Variants in KLRG2 observed in about 807,000 individuals in gnomAD.
KLRG2 encodes the protein killer cell lectin like receptor G2.
KLRG2 carries 39 observed loss-of-function variants against 35.4 expected under a neutral mutation model. The observed-to-expected ratio is 1.10, with a 90% CI of 0.85 to 1.44. The LOEUF (loss-of-function observed/expected upper bound fraction) is 1.44, where lower values mean the gene tolerates loss of function less well. KLRG2 is among the 40% of genes most tolerant of loss of function. The probability of loss-of-function intolerance (pLI) is 0.00; values close to 1 mark genes in which losing one functional copy is unlikely to be tolerated. For missense variants in KLRG2, 632 were observed against 570.9 expected (o/e 1.11, Z -1.09); for synonymous variants, 283 against 265.8 (o/e 1.06, Z -0.63).
intron 3 of KLRG2, among the ~76,000 whole-genome samples, chr7:139,461,350 G>A (rs1239964828): frequency 2.0e-5 from 3 of 152,132 alleles, no homozygotes; most frequent in Non-Finnish European, 2.9e-5. Context: ...TATCTTCTCT[G>A]ACACTCTGAT....
At chr7:139,471,056 C>G (rs1216550676) in intron 3 of KLRG2, among the ~76,000 whole-genome samples, 1 of 151,682 alleles carries the variant, frequency 6.6e-6, no homozygotes, top group Non-Finnish European at 1.5e-5. Flanking sequence ...CCATATTGGC[C>G]ATGATGGTCC....
intron 3 of KLRG2, among the ~76,000 whole-genome samples, chr7:139,466,590 C>T (rs1012804368): frequency 6.6e-6 from 1 of 152,014 alleles, no homozygotes; most frequent in Non-Finnish European, 1.5e-5. Context: ...GTTCTTATGC[C>T]ACGCTCTACC....
At position 139,482,963 on chromosome 7, in the gene KLRG2, T is replaced by A; in HGVS notation, c.680A>T (p.Glu227Val). Residue 227 changes from glutamate to valine, a missense_variant, in exon 1 of 5, where the codon GAG becomes GTG. Transcript: ENST00000340940. ...TCCRCKELGL[E>V]KEDAALLPRA... Reference sequence around the variant, plus strand: ...GGGCAACAGCGCCGCATCCTCCTTCTCCAGCCCCAGCTCCTTGCAGCGGCA... The same window carrying A: ...GGGCAACAGCGCCGCATCCTCCTTCACCAGCCCCAGCTCCTTGCAGCGGCA... 1 of 1,462,214 alleles carries A rather than the reference T, an allele frequency of 6.8e-7. No individual in the cohort carries two copies. Among genetic ancestry groups the A allele is most frequent in the Non-Finnish European group, 8.9e-7 (1 of 1,117,990 alleles). The allele number at this position is 1,462,214 out of a possible 1,614,324, so 90.6% of individuals were successfully genotyped here. A position where few individuals can be genotyped will look rare whatever the true frequency, so the allele number is the denominator to read the frequency against.
intron 3 of KLRG2, among the ~76,000 whole-genome samples, chr7:139,468,123 T>C (rs1018079941): frequency 6.6e-6 from 1 of 152,168 alleles, no homozygotes; most frequent in Non-Finnish European, 1.5e-5. Context: ...CACGTGTTTA[T>C]CTGCTGACCT....
the KLRG2 span, among the ~76,000 whole-genome samples, chr7:139,441,492 G>A: frequency 6.6e-6 from 1 of 152,000 alleles, no homozygotes; most frequent in South Asian, 2.1e-4. Flanking sequence ...ACTGGGGGAG[G>A]GATAGCATTA....
chr7:139,444,626 G>A, the KLRG2 span, among the ~76,000 whole-genome samples: 53 of 152,274 alleles, frequency 3.5e-4, no homozygotes, highest in African/African-American at 1.3e-3. Context: ...CACCAGGAAT[G>A]GACCATGTGG....
intron 3 of KLRG2, among the ~76,000 whole-genome samples, chr7:139,462,381 C>A (rs1796582972): frequency 6.8e-6 from 1 of 146,848 alleles, no homozygotes; most frequent in Non-Finnish European, 1.5e-5. Context: ...GGGGCAAGCA[C>A]CCCCCATCCC....
the KLRG2 span, among the ~76,000 whole-genome samples, chr7:139,446,383 G>A: frequency 1.6e-5 from 2 of 122,106 alleles, no homozygotes; most frequent in Non-Finnish European, 3.2e-5. Flanking sequence ...TCCCTCTGTC[G>A]CCCAGGCTGG....
chr7:139,429,802 C>G, the KLRG2 span, among the ~76,000 whole-genome samples: 1 of 152,220 alleles, frequency 6.6e-6, no homozygotes, highest in African/African-American at 2.4e-5. Flanking sequence ...CATTCGATTT[C>G]TCAATCTTTT....
intron 3 of KLRG2, among the ~76,000 whole-genome samples, chr7:139,454,973 TA>T (rs1451692583): frequency 1.3e-5 from 2 of 151,792 alleles, no homozygotes; most frequent in Non-Finnish European, 2.9e-5. Context: ...ACACTATTTT[TA>T]ACAATGAATT....
the KLRG2 span, among the ~76,000 whole-genome samples, chr7:139,444,321 C>T: frequency 6.6e-6 from 1 of 152,108 alleles, no homozygotes; most frequent in Admixed American, 6.6e-5. Context: ...GCTGGGATTA[C>T]AGGTGCCCAC....
the KLRG2 span, among the ~76,000 whole-genome samples, chr7:139,447,026 A>G: frequency 5.3e-5 from 7 of 133,246 alleles, no homozygotes; most frequent in Admixed American, 1.4e-4. Context: ...TTTTGACAGG[A>G]CCTGCTAGAC....
chr7:139,449,041 G>A (rs1184281389), downstream of KLRG2, among the ~76,000 whole-genome samples: 2 of 151,758 alleles, frequency 1.3e-5, no homozygotes, highest in Non-Finnish European at 2.9e-5. Context: ...GGGAGGTGGA[G>A]GTTGCAGTGA....
the KLRG2 span, among the ~76,000 whole-genome samples, chr7:139,438,150 C>G: frequency 0.013 from 1,988 of 152,362 alleles, 43 homozygotes; most frequent in African/African-American, 0.046. Context: ...GAGAAGGCCA[C>G]CCAAGCCAAC....
In KLRG2 at chr7:139,453,122, C is replaced by G. The variant is rs145841408; in HGVS notation, c.*465G>C. The G allele has an allele frequency of 1.5e-3, 308 of 200,884 alleles. No homozygotes were observed. Among genetic ancestry groups the G allele is most frequent in the South Asian group, 7.5e-3 (50 of 6,658 alleles). 12.4% of individuals were successfully genotyped at this position (200,884 alleles called of 1,614,324 possible). A position where few individuals can be genotyped will look rare whatever the true frequency, so the allele number is the denominator to read the frequency against. ...GCCGGTAGGCTGTGTCCGATGTACA[C>G]CCAGCTGCCTGAAGTAGAATTCACA... On this transcript the variant is annotated 3_prime_UTR_variant, in exon 5 of 5. Coordinates refer to ENST00000340940, the MANE Select transcript of KLRG2 (RefSeq NM_198508.4).
chr7:139,483,065 G>T lies in KLRG2; in HGVS notation c.578C>A (p.Thr193Lys). ...GCCCTCTGCGTCGCAGCCGCTCTCC[G>T]TCCGGGCTGCAGCCAGCGGCGAGCG... The part of the protein sequence containing the change: ...GRRSPLAAAR[T>K]ESGCDAEGRA... Residue 193 changes from threonine to lysine, a missense_variant, in exon 1 of 5, where the codon ACG becomes AAG. Thr to Lys is a moderately conservative substitution (Grantham distance 78, BLOSUM62 -1). Transcript: ENST00000340940. 7.2e-7 allele frequency: 1 copy of T among 1,390,580 alleles called. No individual in the cohort carries two copies. Among genetic ancestry groups the T allele is most frequent in the South Asian group, 1.6e-5 (1 of 61,470 alleles). 86.1% of individuals were successfully genotyped at this position (1,390,580 alleles called of 1,614,324 possible).
At chr7:139,438,692 T>TTTTTTTTTTTA in the KLRG2 span, among the ~76,000 whole-genome samples, 2 of 151,656 alleles carry the variant, frequency 1.3e-5, no homozygotes, top group African/African-American at 2.4e-5. Context: ...TTTTTTTTTT[T>TTTTTTTTTTTA]GAGATGGAGT....
chr7:139,448,266 G>A (rs944191232), downstream of KLRG2, among the ~76,000 whole-genome samples: 1 of 152,094 alleles, frequency 6.6e-6, no homozygotes, highest in Non-Finnish European at 1.5e-5. Context: ...AAAGTCCTGT[G>A]ATTACAGGTG....
intron 3 of KLRG2, among the ~76,000 whole-genome samples, chr7:139,462,497 C>T (rs1203338835): frequency 6.6e-6 from 1 of 152,154 alleles, no homozygotes; most frequent in Non-Finnish European, 1.5e-5. Flanking sequence ...GCCTCCTTCA[C>T]TATAGGCAAA....
Sources: allele counts gnomAD v4.1 joint callset (sites outside exome capture counted in the v4.1 genomes callset), GRCh38; gene constraint gnomAD v4.1.1; transcripts MANE v1.5; gene names NCBI Gene and HGNC (gene_info 2026-07-23, HGNC 2026-07-21).